SEPTIN9: variants seen among roughly 807,000 people sequenced by gnomAD.
The protein encoded by SEPTIN9 is septin-9.
Under a neutral mutation model 56.6 loss-of-function variants are expected in SEPTIN9, and 13 were observed. That is an observed-to-expected ratio of 0.23 (90% CI 0.15 to 0.37). The LOEUF (loss-of-function observed/expected upper bound fraction) is 0.37, where lower values mean the gene tolerates loss of function less well. Ranked by LOEUF, SEPTIN9 falls within the 10% of genes least tolerant of loss-of-function variation. The pLI is 1.00. For missense variants in SEPTIN9, 650 were observed against 823.1 expected, an observed-to-expected ratio of 0.79 and a Z score of 2.57; for synonymous variants, 332 against 334.1, an observed-to-expected ratio of 0.99 and a Z score of 0.07.
chr17:77,312,094 G>A (rs1013841919), intron 2 of SEPTIN9, among the ~76,000 whole-genome samples: 2 of 152,098 alleles, frequency 1.3e-5, no homozygotes, highest in African/African-American at 2.4e-5. Flanking sequence ...AGGCTGCCCC[G>A]GTCACGGTCA....
chr17:77,325,106 AC>A lies in SEPTIN9; in HGVS notation c.76+17911del, dbSNP rs1268210849. Among the ~76,000 whole-genome samples the A allele has an allele frequency of 8.6e-4, 131 of 152,248 alleles. 1 individual carries two copies. Among genetic ancestry groups the A allele is most frequent in the African/African-American group, 2.9e-3 (122 of 41,532 alleles). On this transcript the variant is annotated intron_variant, in intron 2 of 11. Transcript: ENST00000427177. ...AGTGCCGGAGTTACAGGCGTGAGTC[AC>A]CGCACCCAGGCTGATATGCAAATAT...
chr17:77,306,431 C>G (rs530933970), intron 1 of SEPTIN9, among the ~76,000 whole-genome samples: 6 of 152,360 alleles, frequency 3.9e-5, no homozygotes, highest in African/African-American at 1.4e-4. Flanking sequence ...TGGCTTAGCA[C>G]CTCAGCAAAT....
rs1239644414 is a variant in SEPTIN9 at position 77,498,680 on chromosome 17, G to A, written c.*22G>A. 1.3e-6 allele frequency: 2 copies of A among 1,505,116 alleles called. No individual in the cohort carries two copies. The highest frequency in any genetic ancestry group is 3.4e-5 in the African/African-American group (2 of 58,090). 93.2% of individuals were successfully genotyped at this position (1,505,116 alleles called of 1,614,324 possible). A position where few individuals can be genotyped will look rare whatever the true frequency, so the allele number is the denominator to read the frequency against. On this transcript the variant is annotated 3_prime_UTR_variant, in exon 12 of 12. Transcript: ENST00000427177. The stretch of plus-strand genomic sequence containing the variant: ...GTAGACGCCACCCTGCCCACCCCCG[G>A]GATCCTGCCCCCAAGTCATTTCCGT...
chr17:77,357,641 A>G (rs557643606), intron 2 of SEPTIN9, among the ~76,000 whole-genome samples: 1 of 150,944 alleles, frequency 6.6e-6, no homozygotes, highest in South Asian at 2.1e-4. Flanking sequence ...CTGAGATGGG[A>G]TCTTGCTAGG....
intron 2 of SEPTIN9, chr17:77,374,019 C>G (rs961002619): frequency 6.4e-6 from 1 of 155,084 alleles, no homozygotes; most frequent in African/African-American, 2.4e-5. Flanking sequence ...TCCTCACCTC[C>G]GACTGAGTGG....
chr17:77,401,038 G>T (rs991020717), intron 2 of SEPTIN9, among the ~76,000 whole-genome samples: 2 of 152,180 alleles, frequency 1.3e-5, no homozygotes, highest in African/African-American at 4.8e-5. Flanking sequence ...AGAGGCTGAT[G>T]ACTGAGAAAG....
intron 4 of SEPTIN9, among the ~76,000 whole-genome samples, chr17:77,484,355 A>G (rs554033324): frequency 3.4e-4 from 30 of 88,506 alleles, no homozygotes; most frequent in Admixed American, 9.7e-4. Context: ...TGATGGTGAT[A>G]GTGATCATGA....
Position 77,326,503 on chromosome 17 carries a change from G to A in SEPTIN9, c.76+19306G>A, listed in dbSNP as rs113511676. On this transcript the variant is annotated intron_variant, in intron 2 of 11. Coordinates refer to ENST00000427177, the MANE Select transcript of SEPTIN9 (RefSeq NM_001113491.2). This position sits in a 1 kb window ranked among gnomAD's most constrained non-coding sequence, Gnocchi z 5.1. Reference sequence around the variant, plus strand: ...TCAAACCCAGCAGGCAGAGGCGATCGCTGCAGGCAACCGGCAATGTGTTCA... The same window carrying A: ...TCAAACCCAGCAGGCAGAGGCGATCACTGCAGGCAACCGGCAATGTGTTCA... Among the ~76,000 whole-genome samples the A allele has an allele frequency of 7.9e-5, 12 of 152,352 alleles. 1 individual carries two copies. The highest frequency in any genetic ancestry group is 2.6e-4 in the African/African-American group (11 of 41,582).
chr17:77,348,456 C>T (rs933585519), intron 2 of SEPTIN9, among the ~76,000 whole-genome samples: 23 of 152,034 alleles, frequency 1.5e-4, no homozygotes, highest in African/African-American at 4.1e-4. Context: ...CCTGCCACCA[C>T]GGCCGGCTAA....
chr17:77,301,601 C>T (rs1169951123), intron 1 of SEPTIN9, among the ~76,000 whole-genome samples: 10 of 151,914 alleles, frequency 6.6e-5, no homozygotes, highest in East Asian at 1.9e-4. Flanking sequence ...TCATTAGAGA[C>T]GGGGTTTCAC....
At chr17:77,386,267 G>A (rs2035334893) in intron 2 of SEPTIN9, among the ~76,000 whole-genome samples, 1 of 152,204 alleles carries the variant, frequency 6.6e-6, no homozygotes, top group Non-Finnish European at 1.5e-5. Flanking sequence ...ATGCTGGTGG[G>A]TGGGTCCCTG....
At chr17:77,373,838 GTTGT>G (rs2034814732) in intron 2 of SEPTIN9, 2 of 436,920 alleles carry the variant, frequency 4.6e-6, no homozygotes, top group Non-Finnish European at 7.6e-6. Flanking sequence ...TCCTTTTATT[GTTGT>G]TTGTGTTTGC....
At chr17:77,478,466 C>T (rs542483409) in intron 3 of SEPTIN9, among the ~76,000 whole-genome samples, 1 of 152,170 alleles carries the variant, frequency 6.6e-6, no homozygotes, top group Admixed American at 6.5e-5. Flanking sequence ...CAGTAGCCAG[C>T]GGGTAGAAAC....
At chr17:77,332,961 G>T (rs1417324497) in intron 2 of SEPTIN9, among the ~76,000 whole-genome samples, 1 of 152,136 alleles carries the variant, frequency 6.6e-6, no homozygotes, top group Non-Finnish European at 1.5e-5. Flanking sequence ...TGTGCATATG[G>T]GCGTTCATTT....
rs1405013895 is a variant in SEPTIN9 at position 77,326,850 on chromosome 17, T to A, written c.76+19653T>A. Among the ~76,000 whole-genome samples the A allele has an allele frequency of 6.6e-6, 1 of 152,090 alleles. No homozygotes were observed. Among genetic ancestry groups the A allele is most frequent in the Non-Finnish European group, 1.5e-5 (1 of 68,018 alleles). The stretch of plus-strand genomic sequence containing the variant: ...CAGCGGCCAATGATTGAATCAATCA[T>A]GCCTTCGTAATGAGGCCTCCGTGAA... On this transcript the variant is annotated intron_variant, in intron 2 of 11. Coordinates refer to ENST00000427177, the MANE Select transcript of SEPTIN9 (RefSeq NM_001113491.2). The surrounding 1 kb of genome is among the most constrained non-coding windows in gnomAD (Gnocchi z 5.1).
At position 77,405,131 on chromosome 17, in the gene SEPTIN9, T is replaced by A. The variant is rs1555660492; in HGVS notation, c.721+2428T>A. 6.5e-7 allele frequency: 1 copy of A among 1,535,154 alleles called. No homozygotes were observed. The highest frequency in any genetic ancestry group is 8.7e-7 in the Non-Finnish European group (1 of 1,146,466). ...ATGCACAGGGACGTGGTCCTGGCTC[T>A]GGGGGACAGGTAGGGGGATGTCCAT... On this transcript the variant is annotated intron_variant, in intron 3 of 11. Coordinates refer to ENST00000427177, the MANE Select transcript of SEPTIN9 (RefSeq NM_001113491.2). The surrounding 1 kb of genome is among the most constrained non-coding windows in gnomAD (Gnocchi z 5.8).
At chr17:77,315,460 G>A (rs976053497) in intron 2 of SEPTIN9, among the ~76,000 whole-genome samples, 1 of 152,082 alleles carries the variant, frequency 6.6e-6, no homozygotes, top group Non-Finnish European at 1.5e-5. Context: ...GCTAATTTTT[G>A]TATTTTTAGT....
chr17:77,287,588 G>C (rs1567974367), intron 1 of SEPTIN9, among the ~76,000 whole-genome samples: 3 of 152,194 alleles, frequency 2.0e-5, no homozygotes, highest in Non-Finnish European at 4.4e-5. Flanking sequence ...GGGTCTCCAG[G>C]GTAGAGCATG....
intron 3 of SEPTIN9, among the ~76,000 whole-genome samples, chr17:77,460,157 G>C (rs886337186): frequency 6.7e-6 from 1 of 149,118 alleles, no homozygotes; most frequent in Non-Finnish European, 1.5e-5. Flanking sequence ...CATATCACAC[G>C]TGACCTCTCT....
Sources: allele counts gnomAD v4.1 joint callset (sites outside exome capture counted in the v4.1 genomes callset), GRCh38; gene constraint gnomAD v4.1.1; non-coding constraint Gnocchi (gnomAD v3.1); transcripts MANE v1.5; gene names NCBI Gene and HGNC (gene_info 2026-07-23, HGNC 2026-07-21).